SHLD1: variants seen among roughly 807,000 people sequenced by gnomAD.
The protein encoded by SHLD1 is shieldin complex subunit 1, also known as RINN1-REV7-interacting novel NHEJ regulator 3.
A neutral mutation model predicts 5.5 loss-of-function variants in SHLD1; 3 were observed. The ratio of observed to expected loss-of-function variants is 0.54; its 90% CI spans 0.25 to 1.40. The LOEUF is 1.40. Ranked by LOEUF, SHLD1 falls within the 40% of genes most tolerant of loss-of-function variation. SHLD1 has a pLI of 0.15. For missense variants in SHLD1, 210 were observed against 244.4 expected, an observed-to-expected ratio of 0.86 and a Z score of 0.94; for synonymous variants, 92 against 94.3, an observed-to-expected ratio of 0.98 and a Z score of 0.14.
intron 2 of SHLD1, among the ~76,000 whole-genome samples, chr20:5,792,371 T>C (rs964613451): frequency 6.6e-6 from 1 of 152,144 alleles, no homozygotes; most frequent in Non-Finnish European, 1.5e-5. Context: ...TTTTGTATAT[T>C]GTGTAAGATA....
At chr20:5,778,031 G>A (rs926948837) in intron 2 of SHLD1, among the ~76,000 whole-genome samples, 4 of 151,584 alleles carry the variant, frequency 2.6e-5, no homozygotes, top group African/African-American at 7.3e-5. Flanking sequence ...TTTTAAAAAG[G>A]ACCAGGGCTG....
chr20:5,787,057 G>C (rs1262398197), intron 2 of SHLD1, among the ~76,000 whole-genome samples: 3 of 152,122 alleles, frequency 2.0e-5, no homozygotes, highest in African/African-American at 7.2e-5. Context: ...CTGTATCTTT[G>C]GGTTTGCATT....
chr20:5,785,152 A>C (rs995508483), intron 2 of SHLD1, among the ~76,000 whole-genome samples: 3 of 152,200 alleles, frequency 2.0e-5, no homozygotes, highest in African/African-American at 4.8e-5. Flanking sequence ...TCAAACAGAC[A>C]CCGTCACTAG....
chr20:5,801,084 T>C (rs1274417909), intron 2 of SHLD1, among the ~76,000 whole-genome samples: 2 of 151,746 alleles, frequency 1.3e-5, no homozygotes, highest in South Asian at 4.2e-4. Flanking sequence ...TTTTTTTTTT[T>C]TTTTCTTTTT....
chr20:5,772,853 C>A lies in SHLD1; in HGVS notation c.-4-9C>A. ...TTTGTACTGAATTGTTTTCTTTTTT[C>A]CATGGCAGGACTATGGCAGCCAGGG... On this transcript the variant is annotated splice_polypyrimidine_tract_variant and intron_variant, in intron 1 of 2. Transcript: ENST00000303142. 1 of 1,596,658 alleles carries A rather than the reference C, an allele frequency of 6.3e-7. No individual in the cohort carries two copies. Among genetic ancestry groups the A allele is most frequent in the Non-Finnish European group, 8.5e-7 (1 of 1,171,882 alleles).
intron 2 of SHLD1, among the ~76,000 whole-genome samples, chr20:5,792,531 T>C (rs2087155207): frequency 6.6e-6 from 1 of 152,122 alleles, no homozygotes; most frequent in Non-Finnish European, 1.5e-5. Flanking sequence ...GCGATTCTCA[T>C]GCCTCAGTCC....
chr20:5,815,967 G>A (rs1290620750), intron 2 of SHLD1, among the ~76,000 whole-genome samples: 1 of 151,680 alleles, frequency 6.6e-6, no homozygotes, highest in Admixed American at 6.6e-5. Context: ...TGTAATTCCA[G>A]CTACTCCAGA....
chr20:5,863,543 A>G lies in SHLD1; in HGVS notation c.*80A>G. The G allele has an allele frequency of 7.1e-7, 1 of 1,402,814 alleles. No homozygotes were observed. The highest frequency in any genetic ancestry group is 9.7e-7 in the Non-Finnish European group (1 of 1,030,608). The allele number at this position is 1,402,814 out of a possible 1,614,324, so 86.9% of individuals were successfully genotyped here. On this transcript the variant is annotated 3_prime_UTR_variant, in exon 3 of 3. Coordinates refer to ENST00000303142, the MANE Select transcript of SHLD1 (RefSeq NM_152504.4). ...GTGTTGGTGGCCACCCAGATCCCCT[A>G]GGGTCTCTGGCCAGCTCTGTGTGCC...
At chr20:5,794,366 TC>T (rs146863238) in intron 2 of SHLD1, among the ~76,000 whole-genome samples, 2,928 of 152,282 alleles carry the variant, frequency 0.019, 27 homozygotes, top group Non-Finnish European at 0.03. Context: ...TTTCTTGAGT[TC>T]CTTTCAGGAG....
rs114260895 is a variant in SHLD1, at chr20:5,788,217, A to T, written c.178+15174A>T. ...TTTTTTCCTTCTTAAAAATAATACA[A>T]TTGAGGGGCAAATTTAAATAAATTG... On this transcript the variant is annotated intron_variant, in intron 2 of 2. Coordinates refer to ENST00000303142, the MANE Select transcript of SHLD1 (RefSeq NM_152504.4). 7.8e-3 allele frequency among the ~76,000 whole-genome samples: 1,192 copies of T among 152,308 alleles called. 11 individuals are homozygous for T. The highest frequency in any genetic ancestry group is 0.027 in the African/African-American group (1,136 of 41,558).
chr20:5,786,065 G>A (rs1156794226), intron 2 of SHLD1, among the ~76,000 whole-genome samples: 5 of 152,020 alleles, frequency 3.3e-5, no homozygotes, highest in Admixed American at 1.3e-4. Context: ...CAAAATGAAG[G>A]TCTCTGCAGC....
intron 2 of SHLD1, among the ~76,000 whole-genome samples, chr20:5,854,528 C>A (rs1336227184): frequency 1.3e-5 from 2 of 152,118 alleles, no homozygotes; most frequent in Non-Finnish European, 2.9e-5. Flanking sequence ...ACTAGCAGAA[C>A]ACAGAAACCC....
chr20:5,784,168 A>G (rs1442710450), intron 2 of SHLD1, among the ~76,000 whole-genome samples: 1 of 151,346 alleles, frequency 6.6e-6, no homozygotes, highest in Non-Finnish European at 1.5e-5. Flanking sequence ...AAAAAAGAAA[A>G]AAGAAAACCA....
At chr20:5,778,879 A>G (rs964233486) in intron 2 of SHLD1, among the ~76,000 whole-genome samples, 3 of 152,184 alleles carry the variant, frequency 2.0e-5, no homozygotes, top group Non-Finnish European at 2.9e-5. Context: ...AACATTCCAG[A>G]GCTACCTTTT....
chr20:5,860,876 TAAAAAAAAAAAAAAAAAAAA>T (rs10555301), intron 2 of SHLD1, among the ~76,000 whole-genome samples: 6 of 100,780 alleles, frequency 6.0e-5, no homozygotes, highest in Middle Eastern at 6.3e-3. Context: ...TACTATTCTT[TAAAAAAAAAAAAAAAAAAAA>T]AAAAAAAAAA....
chr20:5,828,875 T>G (rs562737778), intron 2 of SHLD1, among the ~76,000 whole-genome samples: 1 of 152,156 alleles, frequency 6.6e-6, no homozygotes. Flanking sequence ...ATTATTATTG[T>G]CATTATTATT....
chr20:5,844,004 T>C (rs551446889), intron 2 of SHLD1, among the ~76,000 whole-genome samples: 1 of 152,340 alleles, frequency 6.6e-6, no homozygotes, highest in Admixed American at 6.5e-5. Context: ...ATCACGCAAA[T>C]TTTAGATTTT....
intron 2 of SHLD1, among the ~76,000 whole-genome samples, chr20:5,778,791 A>G (rs1469951598): frequency 1.3e-5 from 2 of 152,190 alleles, no homozygotes; most frequent in Non-Finnish European, 2.9e-5. Context: ...GCTCAGGTTT[A>G]TCTATCACAA....
intron 1 of SHLD1, among the ~76,000 whole-genome samples, chr20:5,764,208 TTTG>T (rs759687094): frequency 0.32 from 19,406 of 60,896 alleles, 1,791 homozygotes; most frequent in East Asian, 0.4. Flanking sequence ...TATATATATA[TTTG>T]TGTGTGTGTA....
Sources: gnomAD v4.1 joint callset for allele counts (sites outside exome capture counted in the v4.1 genomes callset) on GRCh38, gnomAD v4.1.1 for gene constraint, MANE v1.5 for transcripts, NCBI Gene and HGNC (gene_info 2026-07-23, HGNC 2026-07-21) for gene names.